Variants in ADCY2 observed in about 807,000 individuals in gnomAD.
ADCY2 encodes adenylate cyclase type 2.
ADCY2 carries 31 observed loss-of-function variants against 125.2 expected under a neutral mutation model. The observed-to-expected ratio is 0.25, with a 90% CI of 0.19 to 0.33. ADCY2 has a LOEUF of 0.33. ADCY2 is among the 10% of genes least tolerant of loss of function. The pLI is 1.00. For missense variants in ADCY2, 904 were observed against 1,418.2 expected (o/e 0.64, Z 5.82); for synonymous variants, 512 against 548.4 (o/e 0.93, Z 0.93).
chr5:7,412,037 A>T (rs915686561), intron 1 of ADCY2, among the ~76,000 whole-genome samples: 5 of 151,786 alleles, frequency 3.3e-5, no homozygotes, highest in Admixed American at 2.0e-4. Context: ...ATCCCGCCAC[A>T]GCACTCCAGC....
At chr5:7,562,848 A>G (rs962323186) in intron 3 of ADCY2, among the ~76,000 whole-genome samples, 1 of 152,162 alleles carries the variant, frequency 6.6e-6, no homozygotes, top group Non-Finnish European at 1.5e-5. Context: ...AAGTCATCAG[A>G]TTTTATTTTC....
intron 7 of ADCY2, among the ~76,000 whole-genome samples, chr5:7,704,738 C>A (rs1741207015): frequency 6.6e-6 from 1 of 151,972 alleles, no homozygotes; most frequent in Non-Finnish European, 1.5e-5. Flanking sequence ...ATTAGCTGGG[C>A]GGTTTGGCGT....
At chr5:7,413,669 C>T (rs1485870002) in intron 1 of ADCY2, among the ~76,000 whole-genome samples, 2 of 150,808 alleles carry the variant, frequency 1.3e-5, no homozygotes, top group Non-Finnish European at 2.9e-5. Flanking sequence ...GGATTAAAGA[C>T]CTTACACTGT....
chr5:7,752,943 G>A (rs1296841509), intron 15 of ADCY2, among the ~76,000 whole-genome samples: 2 of 149,094 alleles, frequency 1.3e-5, no homozygotes, highest in Non-Finnish European at 1.5e-5. Context: ...CTGTCACTCA[G>A]GCTGGAGTAC....
At chr5:7,401,392 C>G (rs1739258574) in intron 1 of ADCY2, among the ~76,000 whole-genome samples, 1 of 152,184 alleles carries the variant, frequency 6.6e-6, no homozygotes, top group Non-Finnish European at 1.5e-5. Flanking sequence ...ATTTGACTTT[C>G]CCTGGGTGAC....
intron 4 of ADCY2, among the ~76,000 whole-genome samples, chr5:7,684,240 A>G (rs535032051): frequency 6.6e-6 from 1 of 152,310 alleles, no homozygotes; most frequent in South Asian, 2.1e-4. Context: ...GTGCTGATCT[A>G]TGCTTGCTCA....
At chr5:7,547,283 T>C (rs1478201280) in intron 3 of ADCY2, among the ~76,000 whole-genome samples, 1 of 152,196 alleles carries the variant, frequency 6.6e-6, no homozygotes, top group Non-Finnish European at 1.5e-5. Flanking sequence ...CTCTATGAAT[T>C]CATAACCTAA....
At chr5:7,564,386 G>A (rs561273594) in intron 3 of ADCY2, among the ~76,000 whole-genome samples, 1 of 152,190 alleles carries the variant, frequency 6.6e-6, no homozygotes, top group Non-Finnish European at 1.5e-5. Flanking sequence ...TGTGATCTAA[G>A]TGCAAACAAT....
intron 4 of ADCY2, among the ~76,000 whole-genome samples, chr5:7,647,185 A>C (rs998529766): frequency 6.6e-6 from 1 of 152,140 alleles, no homozygotes; most frequent in Admixed American, 6.6e-5. Flanking sequence ...ATATGTGACC[A>C]ACCCTGGATT....
At chr5:7,681,459 G>A (rs937141832) in intron 4 of ADCY2, among the ~76,000 whole-genome samples, 2 of 152,112 alleles carry the variant, frequency 1.3e-5, no homozygotes, top group Admixed American at 1.3e-4. Flanking sequence ...GCCTCAGTGC[G>A]AGAGTGTCCT....
At position 7,433,867 on chromosome 5, in the gene ADCY2, A is replaced by G. The variant is rs543290109; in HGVS notation, c.408+19097A>G. ...TTGAAATAAATTAACAAAAGAAAAAAATTGGCTATCTTTTGGAGAAAATCA... is the reference window on the plus strand; with the variant it reads ...TTGAAATAAATTAACAAAAGAAAAAGATTGGCTATCTTTTGGAGAAAATCA... On this transcript the variant is annotated intron_variant, in intron 2 of 24. Transcript: ENST00000338316. Among the ~76,000 whole-genome samples, 60 of 152,280 alleles carry G rather than the reference A, an allele frequency of 3.9e-4. 1 individual carries two copies. The South Asian group carries it at 4.6e-3, about 12-fold the overall frequency.
At chr5:7,731,285 C>G (rs1379456380) in intron 14 of ADCY2, among the ~76,000 whole-genome samples, 1 of 139,828 alleles carries the variant, frequency 7.2e-6, no homozygotes, top group African/African-American at 2.7e-5. Context: ...GAGTCTTGCT[C>G]TGTCACCCAG....
intron 18 of ADCY2, among the ~76,000 whole-genome samples, chr5:7,780,038 C>T (rs1743867539): frequency 6.6e-6 from 1 of 152,100 alleles, no homozygotes; most frequent in South Asian, 2.1e-4. Context: ...GGAGAAGAGT[C>T]CAAAGAGGAA....
At chr5:7,815,588 G>T (rs2126536347) in intron 22 of ADCY2, among the ~76,000 whole-genome samples, 1 of 152,306 alleles carries the variant, frequency 6.6e-6, no homozygotes, top group Non-Finnish European at 1.5e-5. Context: ...TTAAAAAGGT[G>T]AAATTCCAAA....
At position 7,709,282 on chromosome 5, in the gene ADCY2, G is replaced by A. The variant is rs771452586; in HGVS notation, c.1473G>A (p.Ser491=). The change falls in exon 10 of 25, where the codon TCG becomes TCA. Residue 491 remains serine (S), a synonymous_variant. Coordinates refer to ENST00000338316, the MANE Select transcript of ADCY2 (RefSeq NM_020546.3). This position sits in a 1 kb window ranked among gnomAD's most constrained non-coding sequence, Gnocchi z 4.4. The part of the protein sequence containing the change: ...HTLDGAKMRA[S]VRMTRYLESW... ...TTGATGGAGCCAAAATGAGGGCCTCGGTCCGCATGACCCGGTACTTGGAGT... is the reference window on the plus strand; with the variant it reads ...TTGATGGAGCCAAAATGAGGGCCTCAGTCCGCATGACCCGGTACTTGGAGT... 20 of 1,613,586 alleles carry A rather than the reference G, an allele frequency of 1.2e-5. No homozygotes were observed. The highest frequency in any genetic ancestry group is 1.6e-4 in the Middle Eastern group (1 of 6,084).
intron 4 of ADCY2, among the ~76,000 whole-genome samples, chr5:7,650,835 G>A (rs1043452666): frequency 1.3e-5 from 2 of 152,172 alleles, no homozygotes; most frequent in African/African-American, 4.8e-5. Flanking sequence ...ATTGAGCAAG[G>A]CGGGATGGCT....
At chr5:7,556,078 G>A (rs1735498512) in intron 3 of ADCY2, among the ~76,000 whole-genome samples, 1 of 152,112 alleles carries the variant, frequency 6.6e-6, no homozygotes, top group Non-Finnish European at 1.5e-5. Flanking sequence ...TTTGTGGTGA[G>A]CAGCTACCAT....
chr5:7,823,216 T>G (rs1475266634), intron 24 of ADCY2, among the ~76,000 whole-genome samples: 1 of 152,194 alleles, frequency 6.6e-6, no homozygotes, highest in Non-Finnish European at 1.5e-5. Flanking sequence ...TAAGTAAAAG[T>G]CCAACCAAGA....
At chr5:7,505,963 TA>T (rs1467197253) in intron 2 of ADCY2, among the ~76,000 whole-genome samples, 1 of 151,436 alleles carries the variant, frequency 6.6e-6, no homozygotes, top group African/African-American at 2.5e-5. Context: ...TATAACATTT[TA>T]TTTTTTTTTT....
Sources: gnomAD v4.1 joint callset for allele counts (sites outside exome capture counted in the v4.1 genomes callset) on GRCh38, gnomAD v4.1.1 for gene constraint, Gnocchi (gnomAD v3.1) non-coding constraint, MANE v1.5 for transcripts, NCBI Gene and HGNC (gene_info 2026-07-23, HGNC 2026-07-21) for gene names.